SORCS2: variants seen among roughly 807,000 people sequenced by gnomAD.
The protein encoded by SORCS2 is sortilin related VPS10 domain containing receptor 2.
In SORCS2, 100 loss-of-function variants were observed where a neutral mutation model predicts 141.6. That is an observed-to-expected ratio of 0.71 (90% CI 0.60 to 0.83). The LOEUF (loss-of-function observed/expected upper bound fraction) is 0.83. SORCS2 is among the 40% of genes least tolerant of loss of function. The pLI is 0.00. For synonymous variants in SORCS2, 789 were observed against 676.9 expected (o/e 1.17, Z -2.57); for missense variants, 1,646 against 1,560.2 (o/e 1.05, Z -0.93).
chr4:7,375,143 C>T (rs1226409437), intron 1 of SORCS2, among the ~76,000 whole-genome samples: 2 of 152,182 alleles, frequency 1.3e-5, no homozygotes, highest in Non-Finnish European at 2.9e-5. Flanking sequence ...CTCTCCCCTG[C>T]ATCACCCTCT....
At chr4:7,733,515 CGTA>C in intron 24 of SORCS2, 94 bp downstream of exon 24, 2 of 1,012,318 alleles carry the variant, frequency 2.0e-6, no homozygotes, top group Non-Finnish European at 2.9e-6. Flanking sequence ...GCAGATGGCC[CGTA>C]TCCCCCTCCT....
At chr4:7,561,824 T>A (rs1446755124) in intron 3 of SORCS2, among the ~76,000 whole-genome samples, 1 of 151,006 alleles carries the variant, frequency 6.6e-6, no homozygotes, top group Non-Finnish European at 1.5e-5. Context: ...TCCATTCATC[T>A]GCCCATCCAT....
rs534956937 is a variant in SORCS2, at chr4:7,251,753, T to C, written c.480+58627T>C. ...AGAGACAAGGTTTTTTAAAAAGCGA[T>C]CCCAGAACCCCCACCATGTGACTTT... On this transcript the variant is annotated intron_variant, in intron 1 of 26. Transcript: ENST00000507866. 7.9e-5 allele frequency among the ~76,000 whole-genome samples: 12 copies of C among 152,058 alleles called. No individual in the cohort carries two copies. In the South Asian group the frequency reaches 2.5e-3, roughly 32 times the overall value.
rs35119395 is a variant in SORCS2 at position 7,470,158 on chromosome 4, A to T, written c.549-61372A>T. Among the ~76,000 whole-genome samples, 1,315 of 151,960 alleles carry T rather than the reference A, an allele frequency of 8.7e-3. 15 individuals are homozygous for T. The highest frequency in any genetic ancestry group is 0.03 in the African/African-American group (1,258 of 41,442). ...GGTCAAACAGTGAGTTAATATATCT[A>T]TCCAGTCATCCATCCATCCTCCCAT... is the stretch of plus-strand genomic sequence containing the variant. On this transcript the variant is annotated intron_variant, in intron 2 of 26. Coordinates refer to ENST00000507866, the MANE Select transcript of SORCS2 (RefSeq NM_020777.3).
At chr4:7,714,503 C>T in intron 16 of SORCS2, 130 bp downstream of exon 16, 2 of 963,744 alleles carry the variant, frequency 2.1e-6, no homozygotes, top group South Asian at 1.7e-5. Flanking sequence ...CAGTCGCACA[C>T]TGCCACTTCT....
intron 3 of SORCS2, among the ~76,000 whole-genome samples, chr4:7,578,184 C>T (rs779204143): frequency 6.6e-6 from 1 of 152,224 alleles, no homozygotes; most frequent in Non-Finnish European, 1.5e-5. Context: ...CATGTTTGGT[C>T]TCTTTGCGAA....
rs181562243 is a variant in SORCS2, at chr4:7,343,008, C to A, written c.481-53280C>A. Among the ~76,000 whole-genome samples, 1,342 of 152,114 alleles carry A rather than the reference C, an allele frequency of 8.8e-3. 20 individuals carry two copies. The highest frequency in any genetic ancestry group is 0.031 in the African/African-American group (1,268 of 41,476). On this transcript the variant is annotated intron_variant, in intron 1 of 26. Transcript: ENST00000507866. ...GGGACATAGGGTGGCTGCAGACAGGCCTGGGAAAGGGAGGGTGGAAAAGGG... is the reference window on the plus strand; with the variant it reads ...GGGACATAGGGTGGCTGCAGACAGGACTGGGAAAGGGAGGGTGGAAAAGGG...
At chr4:7,433,437 C>A in intron 2 of SORCS2, 1 of 1,531,338 alleles carries the variant, frequency 6.5e-7, no homozygotes, top group Non-Finnish European at 8.8e-7. Context: ...CCAGGGCACA[C>A]TGGTCGGTGC....
At chr4:7,734,577 C>A (rs1054947902) in intron 25 of SORCS2, among the ~76,000 whole-genome samples, 9 of 152,106 alleles carry the variant, frequency 5.9e-5, no homozygotes, top group African/African-American at 2.2e-4. Context: ...GAGACGGCCG[C>A]CACTCGCAAC....
At chr4:7,358,715 A>G (rs140369662) in intron 1 of SORCS2, among the ~76,000 whole-genome samples, 57 of 152,356 alleles carry the variant, frequency 3.7e-4, no homozygotes, top group African/African-American at 1.3e-3. Flanking sequence ...TAATTTTCCT[A>G]AATACAGTTT....
At chr4:7,422,900 G>A (rs1726176567) in intron 2 of SORCS2, among the ~76,000 whole-genome samples, 1 of 152,164 alleles carries the variant, frequency 6.6e-6, no homozygotes, top group African/African-American at 2.4e-5. Context: ...CAGCCTCCAG[G>A]GCACCCCGCG....
At chr4:7,354,266 T>C (rs148808386) in intron 1 of SORCS2, among the ~76,000 whole-genome samples, 3 of 152,246 alleles carry the variant, frequency 2.0e-5, no homozygotes, top group African/African-American at 7.2e-5. Flanking sequence ...CTCACCTCAA[T>C]GTGAGCTCTG....
intron 1 of SORCS2, among the ~76,000 whole-genome samples, chr4:7,360,980 A>T (rs898010990): frequency 6.6e-6 from 1 of 151,930 alleles, no homozygotes; most frequent in East Asian, 1.9e-4. Flanking sequence ...TGGCTCTTGC[A>T]TCAGGCTTCT....
intron 1 of SORCS2, among the ~76,000 whole-genome samples, chr4:7,344,260 A>G (rs1032615134): frequency 6.6e-6 from 1 of 152,194 alleles, no homozygotes; most frequent in African/African-American, 2.4e-5. Context: ...GCTGAGTCCC[A>G]TGTCATGGAG....
intron 3 of SORCS2, among the ~76,000 whole-genome samples, chr4:7,557,585 A>G (rs1279386118): frequency 6.6e-6 from 1 of 152,226 alleles, no homozygotes; most frequent in East Asian, 1.9e-4. Context: ...AGATTCTGTT[A>G]TCATAGTGAT....
chr4:7,718,362 C>T lies in SORCS2; in HGVS notation c.2424+179C>T, dbSNP rs556614553. Reference sequence around the variant, plus strand: ...GGGGCTGGAAATCCGCTTCCCGAGTCGAGACCAGCATTTAACAATGAAAGA... The same window carrying T: ...GGGGCTGGAAATCCGCTTCCCGAGTTGAGACCAGCATTTAACAATGAAAGA... On this transcript the variant is annotated intron_variant, in intron 18 of 26. Transcript: ENST00000507866. Among the ~76,000 whole-genome samples, 11 of 152,120 alleles carry T rather than the reference C, an allele frequency of 7.2e-5. No homozygotes were observed. The East Asian group carries it at 7.7e-4, about 11-fold the overall frequency.
chr4:7,446,506 A>G (rs1577576513), intron 2 of SORCS2, among the ~76,000 whole-genome samples: 1 of 152,172 alleles, frequency 6.6e-6, no homozygotes, highest in East Asian at 1.9e-4. Context: ...CGTTCCAATC[A>G]ACTCAGATGC....
At position 7,715,262 on chromosome 4, in the gene SORCS2, T is replaced by C. The variant is rs1180389758; in HGVS notation, c.2203T>C (p.Ser735Pro). The C allele has an allele frequency of 6.2e-7, 1 of 1,613,870 alleles. No homozygotes were observed. The highest frequency in any genetic ancestry group is 1.1e-5 in the South Asian group (1 of 91,058). Residue 735 changes from serine (S) to proline (P), a missense_variant, in exon 17 of 27, where the codon TCC becomes CCC. By Grantham distance (74) the Ser-to-Pro change is moderately conservative. Coordinates refer to ENST00000507866, the MANE Select transcript of SORCS2 (RefSeq NM_020777.3). ...TGCCAACTTCTGGTTTAACCCATTGTCCCCGCCTGACGACTGTGCCCTGGG... is the reference window on the plus strand; with the variant it reads ...TGCCAACTTCTGGTTTAACCCATTGCCCCCGCCTGACGACTGTGCCCTGGG... ...CSANFWFNPL[S>P]PPDDCALGQT...
intron 1 of SORCS2, among the ~76,000 whole-genome samples, chr4:7,200,153 C>A (rs200732606): frequency 6.6e-6 from 1 of 152,140 alleles, no homozygotes; most frequent in Non-Finnish European, 1.5e-5. Context: ...GTCCATGCTC[C>A]AGGCCACTGC....
Sources: gnomAD v4.1 joint callset for allele counts (sites outside exome capture counted in the v4.1 genomes callset) on GRCh38, gnomAD v4.1.1 for gene constraint, MANE v1.5 for transcripts, NCBI Gene and HGNC (gene_info 2026-07-23, HGNC 2026-07-21) for gene names.